ALDOB: variants seen among roughly 807,000 people sequenced by gnomAD.
ALDOB encodes the protein fructose-bisphosphate aldolase B.
In ALDOB, 39 loss-of-function variants were observed where a neutral mutation model predicts 41.0. The ratio of observed to expected loss-of-function variants is 0.95; its 90% CI spans 0.74 to 1.24. The LOEUF is 1.24. Ranked by LOEUF, ALDOB falls within the 50% of genes most tolerant of loss-of-function variation. The pLI, the probability that ALDOB is intolerant of heterozygous loss-of-function variation, is 0.00. For missense variants in ALDOB, 530 were observed against 457.3 expected (o/e 1.16, Z -1.45); for synonymous variants, 175 against 168.8 (o/e 1.04, Z -0.28).
At chr9:101,433,333 G>A (rs2854707) in intron 1 of ALDOB, among the ~76,000 whole-genome samples, 55,040 of 152,042 alleles carry the variant, frequency 0.36, 10,380 homozygotes, top group South Asian at 0.52. Flanking sequence ...CAGTGAAAAT[G>A]ATAATTCAAA....
intron 8 of ALDOB, 67 bp from the exon 9 acceptor site, chr9:101,421,971 C>T: frequency 7.5e-7 from 1 of 1,338,454 alleles, no homozygotes; most frequent in Non-Finnish European, 1.1e-6. Context: ...CCCTGTCTGC[C>T]TCTCATGGGA....
chr9:101,425,089 C>A (rs1831105404), intron 7 of ALDOB, 47 bp from the exon 8 acceptor site: 2 of 1,596,898 alleles, frequency 1.3e-6, no homozygotes, highest in Non-Finnish European at 1.7e-6. Context: ...ACCTTATATA[C>A]CCTGCTTGAG....
intron 4 of ALDOB, 142 bp downstream of exon 4, chr9:101,428,327 A>C (rs1051871027): frequency 2.6e-6 from 2 of 777,616 alleles, no homozygotes; most frequent in Admixed American, 1.8e-5. Flanking sequence ...TGTTAAATGG[A>C]GGAGCTGGTA....
chr9:101,424,156 G>A (rs1831089333), intron 8 of ALDOB, among the ~76,000 whole-genome samples: 1 of 152,160 alleles, frequency 6.6e-6, no homozygotes, highest in Non-Finnish European at 1.5e-5. Flanking sequence ...GGTGGCTCAT[G>A]TCTGTAATCT....
chr9:101,433,120 C>G (rs745504995), intron 1 of ALDOB, among the ~76,000 whole-genome samples: 1 of 152,206 alleles, frequency 6.6e-6, no homozygotes, highest in Non-Finnish European at 1.5e-5. Flanking sequence ...TATGAGCACC[C>G]TGCTCATTGT....
chr9:101,427,366 A>T, intron 5 of ALDOB, 116 bp downstream of exon 5: 1 of 1,342,112 alleles, frequency 7.5e-7, no homozygotes, highest in Non-Finnish European at 1.0e-6. Context: ...AAATGCCACT[A>T]GGATATACTG....
rs376978142 is a variant in ALDOB, at chr9:101,425,562, C to T, written c.690G>A (p.Lys230=). 1.4e-5 allele frequency: 22 copies of T among 1,614,026 alleles called. No homozygotes were observed. The highest frequency in any genetic ancestry group is 1.8e-5 in the Non-Finnish European group (21 of 1,180,036). Residue 230 remains lysine (K), a synonymous_variant, in exon 7 of 9, where the codon AAG becomes AAA. Coordinates refer to ENST00000647789, the MANE Select transcript of ALDOB (RefSeq NM_000035.4). ...HHVYLEGTLL[K]PNMVTAGHAC... The stretch of plus-strand genomic sequence containing the variant: ...CATGTCCAGCAGTCACCATGTTGGG[C>T]TTTAGCAGGGTGCCCTCCAGGTAAA...
chr9:101,425,186 G>A (rs1042961556), intron 7 of ALDOB, 144 bp from the exon 8 acceptor site: 2 of 1,040,752 alleles, frequency 1.9e-6, no homozygotes, highest in Non-Finnish European at 2.9e-6. Context: ...AAATCAGTTT[G>A]CTTTTGCTGA....
At chr9:101,424,464 C>T (rs1831094104) in intron 8 of ALDOB, among the ~76,000 whole-genome samples, 1 of 152,102 alleles carries the variant, frequency 6.6e-6, no homozygotes, top group Non-Finnish European at 1.5e-5. Context: ...GAAAGAAATT[C>T]TTCTGTCTTT....
At position 101,427,466 on chromosome 9, in the gene ALDOB, G is replaced by C. The variant is rs774772032; in HGVS notation, c.540+16C>G. On this transcript the variant is annotated intron_variant, in intron 5 of 8. Transcript: ENST00000647789. ...TCTAGCCTACTCTTTTTCAGCCCAA[G>C]GGGAAGGCAGAGCACCTGCTGACAG... 2.5e-6 allele frequency: 4 copies of C among 1,614,058 alleles called. No homozygotes were observed. In the South Asian group the frequency reaches 4.4e-5, roughly 18 times the overall value.
At chr9:101,428,642 G>A (rs1045141796) in intron 3 of ALDOB, 119 bp from the exon 4 acceptor site, 5 of 889,684 alleles carry the variant, frequency 5.6e-6, no homozygotes, top group African/African-American at 1.6e-5. Flanking sequence ...AAGTGTATTA[G>A]TGCGAGGGAC....
chr9:101,435,159 C>T (rs1831273188), intron 1 of ALDOB, among the ~76,000 whole-genome samples: 1 of 152,132 alleles, frequency 6.6e-6, no homozygotes, highest in East Asian at 1.9e-4. Flanking sequence ...AAGTTTCCAA[C>T]CCTGTTGCAT....
chr9:101,425,636 C>T lies in ALDOB; in HGVS notation c.625-9G>A, dbSNP rs1564077543. On this transcript the variant is annotated splice_polypyrimidine_tract_variant and intron_variant, in intron 6 of 8. Coordinates refer to ENST00000647789, the MANE Select transcript of ALDOB (RefSeq NM_000035.4). ...TAGACAGCAGCCAGGACCTGAAGGACAAGAGGTCCCACCAGGTGAAACTCA... is the reference window on the plus strand; with the variant it reads ...TAGACAGCAGCCAGGACCTGAAGGATAAGAGGTCCCACCAGGTGAAACTCA... 1 of 1,614,004 alleles carries T rather than the reference C, an allele frequency of 6.2e-7. No homozygotes were observed. The highest frequency in any genetic ancestry group is 8.5e-7 in the Non-Finnish European group (1 of 1,180,004).
intron 5 of ALDOB, 100 bp downstream of exon 5, chr9:101,427,382 G>A: frequency 6.9e-7 from 1 of 1,445,256 alleles, no homozygotes; most frequent in East Asian, 2.4e-5. Flanking sequence ...TACTGGTGAG[G>A]GAAAAGGAGG....
chr9:101,435,355 G>A (rs1831275999), intron 1 of ALDOB, among the ~76,000 whole-genome samples: 1 of 152,086 alleles, frequency 6.6e-6, no homozygotes, highest in Non-Finnish European at 1.5e-5. Context: ...GTTGAGAGTT[G>A]AAATGAACAG....
Position 101,430,896 on chromosome 9 carries a change from G to A in ALDOB, c.-9C>T, listed in dbSNP as rs1223674589. 1.9e-6 allele frequency: 3 copies of A among 1,603,924 alleles called. No individual in the cohort carries two copies. The highest frequency in any genetic ancestry group is 1.7e-6 in the Non-Finnish European group (2 of 1,170,818). On this transcript the variant is annotated splice_region_variant and 5_prime_UTR_variant, in exon 2 of 9. Coordinates refer to ENST00000647789, the MANE Select transcript of ALDOB (RefSeq NM_000035.4). ...GGAAATCGGTGGGCCATGGTGACAG[G>A]TCTGGAAAAGAGTGTGCGAGAGTTG...
chr9:101,430,479 A>G (rs1045027285), intron 2 of ALDOB, among the ~76,000 whole-genome samples: 1 of 152,198 alleles, frequency 6.6e-6, no homozygotes, highest in Non-Finnish European at 1.5e-5. Context: ...ACTTCTCACT[A>G]GTAGCAGATG....
chr9:101,427,954 T>C (rs917628574), intron 4 of ALDOB, among the ~76,000 whole-genome samples: 1 of 152,230 alleles, frequency 6.6e-6, no homozygotes, highest in African/African-American at 2.4e-5. Context: ...AAGTTTGAAT[T>C]GCTCAAGAGT....
In ALDOB at chr9:101,421,484, A is replaced by G. The variant is rs916578819; in HGVS notation, c.*325T>C. On this transcript the variant is annotated 3_prime_UTR_variant, in exon 9 of 9. Transcript: ENST00000647789. Reference sequence around the variant, plus strand: ...TGCACTTCTCTACACTCAGCTAATGAGGTGTTTCAATCAGCAGTTGTTCTT... The same window carrying G: ...TGCACTTCTCTACACTCAGCTAATGGGGTGTTTCAATCAGCAGTTGTTCTT... 2 of 400,542 alleles carry G rather than the reference A, an allele frequency of 5.0e-6. No homozygotes were observed. Among genetic ancestry groups the G allele is most frequent in the Non-Finnish European group, 4.7e-6 (1 of 211,164 alleles). 24.8% of individuals were successfully genotyped at this position (400,542 alleles called of 1,614,324 possible). A position where few individuals can be genotyped will look rare whatever the true frequency, so the allele number is the denominator to read the frequency against.
Sources: allele counts gnomAD v4.1 joint callset (sites outside exome capture counted in the v4.1 genomes callset), GRCh38; gene constraint gnomAD v4.1.1; transcripts MANE v1.5; gene names NCBI Gene and HGNC (gene_info 2026-07-23, HGNC 2026-07-21).